TAFA1: variants seen among roughly 807,000 people sequenced by gnomAD.
TAFA1 encodes TAFA chemokine like family member 1.
Under a neutral mutation model 18.5 loss-of-function variants are expected in TAFA1, and 4 were observed. That is an observed-to-expected ratio of 0.22 (90% CI 0.11 to 0.49). The LOEUF is 0.49. Ranked by LOEUF, TAFA1 falls within the 20% of genes least tolerant of loss-of-function variation. TAFA1 has a pLI of 0.98. For missense variants in TAFA1, 147 were observed against 169.0 expected (o/e 0.87, Z 0.72); for synonymous variants, 56 against 55.2 (o/e 1.01, Z -0.06).
chr3:68,296,455 C>A (rs924784142), intron 2 of TAFA1, among the ~76,000 whole-genome samples: 2 of 152,032 alleles, frequency 1.3e-5, no homozygotes, highest in African/African-American at 4.8e-5. Context: ...ACAAATTCAT[C>A]TAGGTGTTTT....
At chr3:68,098,764 G>A (rs1459275892) in intron 2 of TAFA1, among the ~76,000 whole-genome samples, 2 of 152,108 alleles carry the variant, frequency 1.3e-5, no homozygotes, top group Non-Finnish European at 2.9e-5. Flanking sequence ...ATACTACAAT[G>A]TTGCAGTAAC....
intron 2 of TAFA1, among the ~76,000 whole-genome samples, chr3:68,092,223 A>T (rs939708095): frequency 1.7e-4 from 26 of 151,982 alleles, no homozygotes; most frequent in African/African-American, 5.8e-4. Flanking sequence ...AATGAATGAA[A>T]CACACACCTT....
intron 2 of TAFA1, among the ~76,000 whole-genome samples, chr3:68,143,333 G>A (rs1025233052): frequency 6.6e-6 from 1 of 152,052 alleles, no homozygotes; most frequent in African/African-American, 2.4e-5. Flanking sequence ...GTACTACATT[G>A]GCTTATGAAG....
chr3:68,085,914 A>G (rs2064965463), intron 2 of TAFA1, among the ~76,000 whole-genome samples: 2 of 152,318 alleles, frequency 1.3e-5, no homozygotes, highest in South Asian at 2.1e-4. Context: ...GGTGTGCCCA[A>G]CATGGAAGGT....
intron 2 of TAFA1, among the ~76,000 whole-genome samples, chr3:68,081,624 C>T (rs193075978): frequency 5.3e-5 from 8 of 152,134 alleles, no homozygotes; most frequent in Non-Finnish European, 8.8e-5. Context: ...TTAGGCTGCT[C>T]GGGGGTCAGG....
intron 2 of TAFA1, among the ~76,000 whole-genome samples, chr3:68,135,546 A>C (rs751077703): frequency 6.6e-6 from 1 of 152,362 alleles, no homozygotes; most frequent in Admixed American, 6.5e-5. Flanking sequence ...GTTGCATAGC[A>C]GCTCCAAGCC....
intron 2 of TAFA1, among the ~76,000 whole-genome samples, chr3:68,352,293 A>T (rs1305931444): frequency 6.6e-6 from 1 of 151,940 alleles, no homozygotes; most frequent in Non-Finnish European, 1.5e-5. Context: ...TTATTAACGC[A>T]TGCAGTACAC....
rs183981014 is a variant in TAFA1, at chr3:68,261,529, C to T, written c.119-155751C>T. Among the ~76,000 whole-genome samples, 607 of 152,128 alleles carry T rather than the reference C, an allele frequency of 4.0e-3. 7 individuals carry two copies. Among genetic ancestry groups the T allele is most frequent in the African/African-American group, 0.014 (569 of 41,524 alleles). ...TGGAACCAACCCAAATGTCCAACAACAATAGACTGGATTAAGAAAATGTGG... is the reference window on the plus strand; with the variant it reads ...TGGAACCAACCCAAATGTCCAACAATAATAGACTGGATTAAGAAAATGTGG... On this transcript the variant is annotated intron_variant, in intron 2 of 4. Coordinates refer to ENST00000478136, the MANE Select transcript of TAFA1 (RefSeq NM_213609.4).
chr3:68,107,320 C>T (rs2065214921), intron 2 of TAFA1, among the ~76,000 whole-genome samples: 1 of 152,092 alleles, frequency 6.6e-6, no homozygotes, highest in Admixed American at 6.6e-5. Flanking sequence ...CATATTCATC[C>T]AGATACATGT....
intron 3 of TAFA1, among the ~76,000 whole-genome samples, chr3:68,454,764 C>G (rs1405507522): frequency 6.6e-6 from 1 of 152,198 alleles, no homozygotes; most frequent in Non-Finnish European, 1.5e-5. Context: ...AAAATGTTCA[C>G]TTAAAATGCT....
chr3:68,388,419 C>A (rs1437605240), intron 2 of TAFA1, among the ~76,000 whole-genome samples: 1 of 152,038 alleles, frequency 6.6e-6, no homozygotes, highest in East Asian at 1.9e-4. Context: ...TGAATTTAGA[C>A]CTTTCTATTT....
chr3:68,172,919 G>T (rs2066074954), intron 2 of TAFA1, among the ~76,000 whole-genome samples: 1 of 152,118 alleles, frequency 6.6e-6, no homozygotes, highest in Non-Finnish European at 1.5e-5. Context: ...TCTCTTTAGG[G>T]TGGTAAAATG....
chr3:68,474,320 G>C (rs1275705420), intron 3 of TAFA1, among the ~76,000 whole-genome samples: 1 of 152,122 alleles, frequency 6.6e-6, no homozygotes, highest in East Asian at 1.9e-4. Context: ...TAGAAACAGG[G>C]GTTGAAATAG....
chr3:68,339,997 T>A (rs755869473), intron 2 of TAFA1, among the ~76,000 whole-genome samples: 1 of 152,206 alleles, frequency 6.6e-6, no homozygotes, highest in African/African-American at 2.4e-5. Context: ...GAGTTTCCTA[T>A]CCTTTTTATT....
At chr3:68,457,940 A>C (rs2106913870) in intron 3 of TAFA1, among the ~76,000 whole-genome samples, 1 of 152,276 alleles carries the variant, frequency 6.6e-6, no homozygotes, top group South Asian at 2.1e-4. Flanking sequence ...GATTTGAAAT[A>C]CTTTGAAATA....
chr3:68,070,054 C>T (rs141415026), intron 2 of TAFA1, among the ~76,000 whole-genome samples: 1 of 151,670 alleles, frequency 6.6e-6, no homozygotes, highest in Non-Finnish European at 1.5e-5. Flanking sequence ...GGGATGATTG[C>T]CATCTTCTCA....
At chr3:68,320,382 G>T (rs912604100) in intron 2 of TAFA1, among the ~76,000 whole-genome samples, 6 of 152,168 alleles carry the variant, frequency 3.9e-5, no homozygotes, top group African/African-American at 1.2e-4. Context: ...GCTGCCCACT[G>T]CAGACTGTAC....
intron 2 of TAFA1, among the ~76,000 whole-genome samples, chr3:68,142,586 G>A (rs1472811472): frequency 1.3e-5 from 2 of 152,186 alleles, no homozygotes; most frequent in African/African-American, 4.8e-5. Context: ...CAACAGATTT[G>A]TGTGTTATCA....
intron 3 of TAFA1, among the ~76,000 whole-genome samples, chr3:68,506,456 AAC>A (rs55865833): frequency 6.8e-6 from 1 of 147,444 alleles, no homozygotes; most frequent in African/African-American, 2.4e-5. Context: ...GGGTGTGTTC[AAC>A]ACACACACAC....
Sources: allele counts gnomAD v4.1 joint callset (sites outside exome capture counted in the v4.1 genomes callset), GRCh38; gene constraint gnomAD v4.1.1; transcripts MANE v1.5; gene names NCBI Gene and HGNC (gene_info 2026-07-23, HGNC 2026-07-21).